The following DROSHA variants were observed in gnomAD, a reference collection of about 807,000 sequenced individuals.
DROSHA encodes drosha ribonuclease III.
A neutral mutation model predicts 181.9 loss-of-function variants in DROSHA; 56 were observed. That is an observed-to-expected ratio of 0.31 (90% CI 0.25 to 0.38). The LOEUF is 0.38. Ranked by LOEUF, DROSHA falls within the 10% of genes least tolerant of loss-of-function variation. The pLI is 1.00. For synonymous variants in DROSHA, 524 were observed against 591.2 expected, an observed-to-expected ratio of 0.89 and a Z score of 1.65; for missense variants, 1,218 against 1,743.5, an observed-to-expected ratio of 0.70 and a Z score of 5.37.
At chr5:31,419,435 T>C (rs1742382582) in intron 30 of DROSHA, among the ~76,000 whole-genome samples, 1 of 152,330 alleles carries the variant, frequency 6.6e-6, no homozygotes, top group South Asian at 2.1e-4. Context: ...ACTACACTTC[T>C]GGCATTGAAG....
At chr5:31,429,678 T>C (rs970413161) in intron 26 of DROSHA, 133 bp from the exon 27 acceptor site, 47 of 648,140 alleles carry the variant, frequency 7.3e-5, no homozygotes, top group African/African-American at 3.3e-4. Context: ...TCAGAAGCAA[T>C]TGTCTTAAAG....
In DROSHA at chr5:31,504,537, A is replaced by C; in HGVS notation, c.1668+18T>G. The C allele has an allele frequency of 6.2e-7, 1 of 1,613,678 alleles. No homozygotes were observed. The highest frequency in any genetic ancestry group is 1.1e-5 in the South Asian group (1 of 90,996). ...TGGCTTCTCAGCATTTACAAACATA[A>C]TAACCCAAACCAGTTACCTCTTCTC... On this transcript the variant is annotated intron_variant, in intron 11 of 35. Coordinates refer to ENST00000344624, the MANE Select transcript of DROSHA (RefSeq NM_001382508.1).
At chr5:31,502,337 A>G (rs899420415) in intron 11 of DROSHA, among the ~76,000 whole-genome samples, 1 of 152,226 alleles carries the variant, frequency 6.6e-6, no homozygotes, top group African/African-American at 2.4e-5. Flanking sequence ...TGCAGGCCAC[A>G]TTGGGAGAAT....
chr5:31,420,451 TA>T (rs1208943678), intron 30 of DROSHA, among the ~76,000 whole-genome samples: 4 of 152,138 alleles, frequency 2.6e-5, no homozygotes, highest in African/African-American at 9.7e-5. Flanking sequence ...TTTCACAGAG[TA>T]AAAACAGTAC....
chr5:31,515,102 G>C lies in DROSHA; in HGVS notation c.1176C>G (p.Pro392=), dbSNP rs745865282. The C allele has an allele frequency of 3.7e-6, 6 of 1,613,848 alleles. No homozygotes were observed. In the South Asian group the frequency reaches 5.5e-5, roughly 15 times the overall value. Residue 392 remains proline, a synonymous_variant, in exon 8 of 36, where the codon CCC becomes CCG. Coordinates refer to ENST00000344624, the MANE Select transcript of DROSHA (RefSeq NM_001382508.1). ...KNYTSIKEKE[P]EETMPDKNEE... Reference sequence around the variant, plus strand: ...CATTCTTGTCAGGCATGGTCTCCTCGGGCTCTTTTTCCTTGATTGAGGTAT... The same window carrying C: ...CATTCTTGTCAGGCATGGTCTCCTCCGGCTCTTTTTCCTTGATTGAGGTAT...
chr5:31,506,001 ATAT>A (rs906437470), intron 10 of DROSHA, among the ~76,000 whole-genome samples: 4 of 152,236 alleles, frequency 2.6e-5, no homozygotes, highest in Admixed American at 1.3e-4. Context: ...CCAAAAAGAA[ATAT>A]TATGTTAAGA....
intron 10 of DROSHA, among the ~76,000 whole-genome samples, 189 bp from the exon 11 acceptor site, chr5:31,504,824 G>A (rs866432092): frequency 6.6e-6 from 1 of 152,296 alleles, no homozygotes; most frequent in Middle Eastern, 3.4e-3. Flanking sequence ...GTCTGATAAA[G>A]GGAAACCGTG....
chr5:31,527,224 A>G (rs376532562), intron 4 of DROSHA, among the ~76,000 whole-genome samples: 3 of 152,196 alleles, frequency 2.0e-5, no homozygotes, highest in Non-Finnish European at 4.4e-5. Flanking sequence ...ATTTGCTGTC[A>G]TGCCTTTGCT....
At chr5:31,426,509 T>C (rs1743490436) in intron 27 of DROSHA, among the ~76,000 whole-genome samples, 1 of 152,152 alleles carries the variant, frequency 6.6e-6, no homozygotes, top group South Asian at 2.1e-4. Context: ...GAAAACTGCC[T>C]GGAGGTGTCA....
intron 23 of DROSHA, among the ~76,000 whole-genome samples, chr5:31,445,696 T>C (rs1199333184): frequency 6.6e-6 from 1 of 152,186 alleles, no homozygotes; most frequent in South Asian, 2.1e-4. Flanking sequence ...ATTATGTTAA[T>C]AGCTACAGAA....
intron 16 of DROSHA, 58 bp downstream of exon 16, chr5:31,483,496 G>T: frequency 6.4e-7 from 1 of 1,555,972 alleles, no homozygotes; most frequent in Non-Finnish European, 8.8e-7. Context: ...AAGGAAAATG[G>T]CAAGCTTATT....
At position 31,521,804 on chromosome 5, in the gene DROSHA, A is replaced by C. The variant is rs181860241; in HGVS notation, c.855-589T>G. Among the ~76,000 whole-genome samples, 290 of 152,312 alleles carry C rather than the reference A, an allele frequency of 1.9e-3. 4 individuals carry two copies. The highest frequency in any genetic ancestry group is 5.7e-4 in the Non-Finnish European group (39 of 68,016). ...AGATGTTGGGCTTACTTAATGTAAA[A>C]AAAAATAGATGAGGAATTTTTAAAA... On this transcript the variant is annotated intron_variant, in intron 5 of 35. Transcript: ENST00000344624.
At chr5:31,450,641 G>A (rs554028331) in intron 21 of DROSHA, among the ~76,000 whole-genome samples, 1 of 152,164 alleles carries the variant, frequency 6.6e-6, no homozygotes, top group East Asian at 1.9e-4. Context: ...GTACCCAGGG[G>A]CATACAGAGT....
At chr5:31,431,390 G>A (rs56280959) in intron 26 of DROSHA, among the ~76,000 whole-genome samples, 186 bp downstream of exon 26, 54,800 of 112,174 alleles carry the variant, frequency 0.49, 13,457 homozygotes, top group Non-Finnish European at 0.57. Flanking sequence ...AAAAAAAAAA[G>A]AGGCATGTTC....
At chr5:31,458,013 A>G (rs1029131158) in intron 20 of DROSHA, among the ~76,000 whole-genome samples, 1 of 152,230 alleles carries the variant, frequency 6.6e-6, no homozygotes, top group Non-Finnish European at 1.5e-5. Flanking sequence ...GTAAATCCCC[A>G]GTGAGATACA....
chr5:31,493,211 G>C lies in DROSHA; in HGVS notation c.1838C>G (p.Thr613Ser). The C allele has an allele frequency of 6.2e-7, 1 of 1,605,994 alleles. No individual in the cohort carries two copies. Among genetic ancestry groups the C allele is most frequent in the South Asian group, 1.1e-5 (1 of 88,150 alleles). ...AGCCAACTGGCACATACTTACATTGGTCAGGGGGGCATGTGCAAACATAGA... is the reference window on the plus strand; with the variant it reads ...AGCCAACTGGCACATACTTACATTGCTCAGGGGGGCATGTGCAAACATAGA... ...GFSMFAHAPLTNIPLCKVIRF... is the reference protein window; with the variant it reads ...GFSMFAHAPLSNIPLCKVIRF... The change falls in exon 13 of 36, where the codon ACC becomes AGC. Residue 613 changes from threonine to serine, a missense_variant. By Grantham distance (58) the Thr-to-Ser change is moderately conservative (BLOSUM62 1). Transcript: ENST00000344624.
intron 17 of DROSHA, among the ~76,000 whole-genome samples, chr5:31,469,122 G>C (rs1283853871): frequency 1.3e-5 from 2 of 152,166 alleles, no homozygotes; most frequent in African/African-American, 2.4e-5. Flanking sequence ...CCTTTGGGAG[G>C]CCAAGGCGGG....
intron 26 of DROSHA, 90 bp downstream of exon 26, chr5:31,431,486 C>A (rs1038717186): frequency 6.3e-5 from 79 of 1,256,656 alleles, no homozygotes; most frequent in Middle Eastern, 1.9e-4. Flanking sequence ...ACAAGTAATT[C>A]TGTCCCAAGT....
intron 20 of DROSHA, 34 bp from the exon 21 acceptor site, chr5:31,451,674 A>C: frequency 1.4e-6 from 2 of 1,471,976 alleles, no homozygotes; most frequent in Non-Finnish European, 1.9e-6. Flanking sequence ...GTTTAACTTT[A>C]TAAAAACTTA....
Sources: allele counts gnomAD v4.1 joint callset (sites outside exome capture counted in the v4.1 genomes callset), GRCh38; gene constraint gnomAD v4.1.1; transcripts MANE v1.5; gene names NCBI Gene and HGNC (gene_info 2026-07-23, HGNC 2026-07-21).